Variants in KLRG1 observed in about 807,000 individuals in gnomAD.
KLRG1 encodes the protein killer cell lectin-like receptor subfamily G member 1.
KLRG1 carries 16 observed loss-of-function variants against 21.8 expected under a neutral mutation model. That is an observed-to-expected ratio of 0.73 (90% CI 0.50 to 1.11). The LOEUF (loss-of-function observed/expected upper bound fraction) is 1.11. KLRG1 is among the 50% of genes most tolerant of loss of function. The probability of loss-of-function intolerance (pLI) is 0.00; values close to 1 mark genes in which losing one functional copy is unlikely to be tolerated. For synonymous variants in KLRG1, 69 were observed against 75.9 expected (o/e 0.91, Z 0.47); for missense variants, 173 against 218.3 (o/e 0.79, Z 1.31).
chr12:9,107,524 C>G, the KLRG1 span: 3 of 1,613,708 alleles, frequency 1.9e-6, no homozygotes, highest in African/African-American at 2.7e-5. Context: ...TTCAACCTAC[C>G]TGTCCACTGA....
At chr12:9,073,330 A>G in the KLRG1 span, among the ~76,000 whole-genome samples, 1 of 151,900 alleles carries the variant, frequency 6.6e-6, no homozygotes, top group African/African-American at 2.4e-5. Context: ...TGCAGCCATG[A>G]GCAGAGTCAT....
At chr12:9,163,720 T>A in the KLRG1 span, 1 of 1,613,950 alleles carries the variant, frequency 6.2e-7, no homozygotes, top group Admixed American at 1.7e-5. Flanking sequence ...CTCAGGGACC[T>A]CAACAACCTC....
the KLRG1 span, chr12:9,152,813 G>T: frequency 1.9e-6 from 3 of 1,613,560 alleles, no homozygotes; most frequent in Non-Finnish European, 2.5e-6. Context: ...GATTAGGTTA[G>T]AACGTCTTAC....
chr12:8,990,064 C>T (rs1017217753), intron 1 of KLRG1: 16 of 162,752 alleles, frequency 9.8e-5, no homozygotes, highest in African/African-American at 3.8e-4. Flanking sequence ...AACCTTGGAC[C>T]AGCTGTTTAA....
At chr12:9,076,267 A>G in the KLRG1 span, among the ~76,000 whole-genome samples, 1 of 152,256 alleles carries the variant, frequency 6.6e-6, no homozygotes, top group Admixed American at 6.5e-5. Flanking sequence ...GCTATGTGAC[A>G]TGTACTCTAC....
the KLRG1 span, among the ~76,000 whole-genome samples, chr12:9,020,414 C>T: frequency 0.013 from 2,019 of 152,248 alleles, 39 homozygotes; most frequent in African/African-American, 0.042. Context: ...TCCCTGTCCC[C>T]TCAACACTCA....
At chr12:9,036,910 G>T in the KLRG1 span, 2 of 324,686 alleles carry the variant, frequency 6.2e-6, no homozygotes, top group Non-Finnish European at 1.2e-5. Context: ...GGGGGACTTC[G>T]AGCTTCACAC....
At chr12:8,955,808 C>T (rs747648321) in intron 1 of KLRG1, among the ~76,000 whole-genome samples, 3 of 152,060 alleles carry the variant, frequency 2.0e-5, no homozygotes, top group South Asian at 2.1e-4. Context: ...TAGATACGGG[C>T]GGGTCCCTGG....
At chr12:9,159,402 A>G in the KLRG1 span, among the ~76,000 whole-genome samples, 3 of 152,206 alleles carry the variant, frequency 2.0e-5, no homozygotes, top group Non-Finnish European at 2.9e-5. Context: ...TAAGAATTAA[A>G]TAAGGTAACA....
the KLRG1 span, among the ~76,000 whole-genome samples, chr12:9,105,625 G>A: frequency 6.6e-6 from 1 of 152,086 alleles, no homozygotes; most frequent in South Asian, 2.1e-4. Context: ...CAGAAAAATT[G>A]TAAGAGAAGA....
chr12:9,113,009 G>A, the KLRG1 span, among the ~76,000 whole-genome samples: 4 of 151,822 alleles, frequency 2.6e-5, no homozygotes, highest in Admixed American at 2.6e-4. Context: ...GGAGTGATGT[G>A]TTCCTGTCAG....
the KLRG1 span, chr12:9,093,516 G>A: frequency 3.7e-6 from 6 of 1,613,858 alleles, no homozygotes; most frequent in Non-Finnish European, 5.1e-6. Context: ...CTTTCGTACG[G>A]TCTCCGTGTG....
chr12:9,115,783 C>T, the KLRG1 span: 332 of 1,613,034 alleles, frequency 2.1e-4, no homozygotes, highest in Non-Finnish European at 2.7e-4. Context: ...GAGACTGAGG[C>T]GTCTGTGGGC....
chr12:9,105,019 TC>T, the KLRG1 span, among the ~76,000 whole-genome samples: 2 of 152,102 alleles, frequency 1.3e-5, no homozygotes, highest in Admixed American at 1.3e-4. Flanking sequence ...ATGACACACT[TC>T]CCATGTGAAA....
At chr12:9,021,738 A>C in the KLRG1 span, among the ~76,000 whole-genome samples, 2 of 152,136 alleles carry the variant, frequency 1.3e-5, no homozygotes, top group Non-Finnish European at 2.9e-5. Flanking sequence ...CATGCACATT[A>C]GCCTCGGGCT....
the KLRG1 span, among the ~76,000 whole-genome samples, chr12:9,050,286 T>C: frequency 6.6e-6 from 1 of 152,240 alleles, no homozygotes; most frequent in African/African-American, 2.4e-5. Context: ...ATAATCTCCT[T>C]GCCACCTGTC....
chr12:9,028,155 T>C, the KLRG1 span: 216 of 686,022 alleles, frequency 3.1e-4, no homozygotes, highest in African/African-American at 3.9e-4. Context: ...TCTTCTTTTT[T>C]TTTTTTTTTT....
chr12:9,200,994 A>G, the KLRG1 span: 2 of 1,614,032 alleles, frequency 1.2e-6, no homozygotes, highest in African/African-American at 1.3e-5. Context: ...AGGGGAAAGG[A>G]CAACTGATTG....
the KLRG1 span, among the ~76,000 whole-genome samples, chr12:9,020,592 C>G: frequency 1.3e-5 from 2 of 152,102 alleles, no homozygotes; most frequent in African/African-American, 4.8e-5. Flanking sequence ...TTGTTTGCAT[C>G]AATATTTTAC....
Sources: allele counts gnomAD v4.1 joint callset (sites outside exome capture counted in the v4.1 genomes callset), GRCh38; gene constraint gnomAD v4.1.1; transcripts MANE v1.5; gene names NCBI Gene and HGNC (gene_info 2026-07-23, HGNC 2026-07-21).